Variants in IL1RAPL1 observed in about 807,000 individuals in gnomAD.
IL1RAPL1 encodes interleukin-1 receptor accessory protein-like 1.
IL1RAPL1 carries 3 observed loss-of-function variants against 48.4 expected under a neutral mutation model. The observed-to-expected ratio is 0.06, with a 90% CI of 0.03 to 0.16. The LOEUF is 0.16. Ranked by LOEUF, IL1RAPL1 falls within the 10% of genes least tolerant of loss-of-function variation. The probability of loss-of-function intolerance (pLI) is 1.00; values close to 1 mark genes in which losing one functional copy is unlikely to be tolerated. For missense variants in IL1RAPL1, 349 were observed against 530.6 expected (o/e 0.66, Z 3.36); for synonymous variants, 185 against 187.7 (o/e 0.99, Z 0.12).
intron 5 of IL1RAPL1, among the ~76,000 whole-genome samples, chrX:29,600,120 GT>G (rs913102190): frequency 5.4e-5 from 6 of 112,020 alleles, no homozygotes; most frequent in African/African-American, 1.9e-4. Flanking sequence ...TATCAGAATT[GT>G]TTTTCTGGTT....
At position 28,768,719 on chromosome X, in the gene IL1RAPL1, C is replaced by CTG. The variant is rs1239633537; in HGVS notation, c.-24-20600_-24-20599insGT. Among the ~76,000 whole-genome samples the CTG allele has an allele frequency of 3.1e-3, 198 of 64,070 alleles. 1 individual carries two copies. The East Asian group carries it at 0.069, about 22-fold the overall frequency. The allele number at this position is 64,070 out of a possible 115,157, so 55.6% of individuals were successfully genotyped here. On this transcript the variant is annotated intron_variant, in intron 1 of 10. Coordinates refer to ENST00000378993, the MANE Select transcript of IL1RAPL1 (RefSeq NM_014271.4). ...TCTCTCTGTTTCTCTCTCTCTCTCT[C>CTG]TCTCTCTCTGTCTCTCTCTCTCTCT...
At chrX:28,913,298 T>A (rs1923405603) in intron 2 of IL1RAPL1, among the ~76,000 whole-genome samples, 1 of 112,160 alleles carries the variant, frequency 8.9e-6, no homozygotes, top group Non-Finnish European at 1.9e-5. Context: ...CCTTGTAAAT[T>A]CTTGATCTGC....
intron 2 of IL1RAPL1, among the ~76,000 whole-genome samples, chrX:29,162,205 CTG>C (rs1265974432): frequency 9.1e-6 from 1 of 110,178 alleles, no homozygotes; most frequent in Non-Finnish European, 1.9e-5. Context: ...GGGGGCCTGT[CTG>C]GGGTTAGGAG....
At chrX:29,148,405 C>G (rs149213059) in intron 2 of IL1RAPL1, among the ~76,000 whole-genome samples, 314 of 111,695 alleles carry the variant, frequency 2.8e-3, no homozygotes, top group African/African-American at 9.9e-3. Context: ...CCCCTGTTGT[C>G]AAGATGGTAT....
chrX:29,406,551 G>A (rs1285340310), intron 5 of IL1RAPL1, among the ~76,000 whole-genome samples: 4 of 111,318 alleles, frequency 3.6e-5, no homozygotes, highest in African/African-American at 6.5e-5. Flanking sequence ...ACATAATTGC[G>A]GTTTTTGCCA....
chrX:28,623,737 C>T (rs1239375163), intron 1 of IL1RAPL1, among the ~76,000 whole-genome samples: 1 of 111,740 alleles, frequency 8.9e-6, no homozygotes, highest in Non-Finnish European at 1.9e-5. Flanking sequence ...AGAGCAATTG[C>T]AAAGTCCTGT....
rs750425404 is a variant in IL1RAPL1, at chrX:28,598,754, G to A, written c.-25+10707G>A. The stretch of plus-strand genomic sequence containing the variant: ...AGCAAATCTCCTCCCTCAGCCTCCC[G>A]AGTAGCTGGGATTACAGGTGTGCGC... On this transcript the variant is annotated intron_variant, in intron 1 of 10. Coordinates refer to ENST00000378993, the MANE Select transcript of IL1RAPL1 (RefSeq NM_014271.4). Among the ~76,000 whole-genome samples the A allele has an allele frequency of 6.6e-5, 7 of 106,533 alleles. No homozygotes were observed. The South Asian group carries it at 1.8e-3, about 27-fold the overall frequency. The allele number at this position is 106,533 out of a possible 115,157, so 92.5% of individuals were successfully genotyped here. A position where few individuals can be genotyped will look rare whatever the true frequency, so the allele number is the denominator to read the frequency against.
Position 29,396,461 on chromosome X carries a change from G to C in IL1RAPL1, c.549+17G>C. 1 of 1,193,044 alleles carries C rather than the reference G, an allele frequency of 8.4e-7. No individual in the cohort carries two copies. The highest frequency in any genetic ancestry group is 1.1e-6 in the Non-Finnish European group (1 of 878,279). On this transcript the variant is annotated intron_variant, in intron 4 of 10. Transcript: ENST00000378993. ...TGGTACAAGGTATGGACTGCGGGTGGTTCTATTTCCTATTAACAAATTAAT... is the reference window on the plus strand; with the variant it reads ...TGGTACAAGGTATGGACTGCGGGTGCTTCTATTTCCTATTAACAAATTAAT...
intron 6 of IL1RAPL1, among the ~76,000 whole-genome samples, chrX:29,814,806 A>G: frequency 8.9e-6 from 1 of 112,147 alleles, no homozygotes; most frequent in Middle Eastern, 4.6e-3. Flanking sequence ...ATGGATGGCC[A>G]GTTATTCCAA....
chrX:29,153,930 T>C (rs1280692321), intron 2 of IL1RAPL1, among the ~76,000 whole-genome samples: 1 of 112,273 alleles, frequency 8.9e-6, no homozygotes, highest in East Asian at 2.8e-4. Flanking sequence ...CAAGAAGGAA[T>C]TTATACCATA....
chrX:29,593,366 T>C (rs1331325658), intron 5 of IL1RAPL1, among the ~76,000 whole-genome samples: 2 of 112,115 alleles, frequency 1.8e-5, no homozygotes, highest in Admixed American at 9.5e-5. Context: ...AATCCACTTT[T>C]AGAAGGAAGC....
At chrX:29,564,145 C>G (rs1922325652) in intron 5 of IL1RAPL1, among the ~76,000 whole-genome samples, 1 of 111,695 alleles carries the variant, frequency 9.0e-6, no homozygotes, top group Non-Finnish European at 1.9e-5. Flanking sequence ...AGGAGAGAAT[C>G]TGTGTCCTGG....
At chrX:29,116,643 C>T (rs1434482355) in intron 2 of IL1RAPL1, among the ~76,000 whole-genome samples, 2 of 111,600 alleles carry the variant, frequency 1.8e-5, no homozygotes, top group Non-Finnish European at 3.8e-5. Flanking sequence ...GCACAGAGGT[C>T]TACATACAAC....
At chrX:29,704,846 T>C (rs920211918) in intron 6 of IL1RAPL1, among the ~76,000 whole-genome samples, 5 of 111,912 alleles carry the variant, frequency 4.5e-5, no homozygotes, top group Admixed American at 2.8e-4. Flanking sequence ...GATCCAACTT[T>C]TCATATAACT....
Position 29,920,303 on chromosome X carries a change from T to C in IL1RAPL1, c.1057+209T>C, listed in dbSNP as rs113276262. On this transcript the variant is annotated intron_variant, in intron 8 of 10. Transcript: ENST00000378993. Reference sequence around the variant, plus strand: ...TAAAATCAAATTTGAAATCCTTGCTTTTCTTTAATACCAACTGTGTAACTT... The same window carrying C: ...TAAAATCAAATTTGAAATCCTTGCTCTTCTTTAATACCAACTGTGTAACTT... Among the ~76,000 whole-genome samples the C allele has an allele frequency of 4.0e-3, 451 of 111,568 alleles. 2 individuals are homozygous for C. The highest frequency in any genetic ancestry group is 0.014 in the African/African-American group (440 of 30,679).
chrX:29,328,954 T>A (rs1244233830), intron 3 of IL1RAPL1, among the ~76,000 whole-genome samples: 1 of 111,713 alleles, frequency 9.0e-6, no homozygotes, highest in African/African-American at 3.3e-5. Flanking sequence ...ATATATGAGA[T>A]AGCTTCAAAT....
chrX:29,123,045 T>A (rs765199735), intron 2 of IL1RAPL1, among the ~76,000 whole-genome samples: 2 of 82,051 alleles, frequency 2.4e-5, no homozygotes, highest in Non-Finnish European at 4.5e-5. Flanking sequence ...TTATTTATTT[T>A]TTGAGATGGA....
intron 5 of IL1RAPL1, among the ~76,000 whole-genome samples, chrX:29,496,847 G>A (rs1189839951): frequency 8.9e-6 from 1 of 111,832 alleles, no homozygotes; most frequent in East Asian, 2.8e-4. Context: ...GGGACCTCCA[G>A]AAGCTTGCAA....
chrX:29,597,622 T>G (rs970578396), intron 5 of IL1RAPL1, among the ~76,000 whole-genome samples: 1 of 112,355 alleles, frequency 8.9e-6, no homozygotes, highest in African/African-American at 3.2e-5. Flanking sequence ...AGGATTGGTA[T>G]TCATTCTTCT....
Sources: allele counts gnomAD v4.1 joint callset (sites outside exome capture counted in the v4.1 genomes callset), GRCh38; gene constraint gnomAD v4.1.1; transcripts MANE v1.5; gene names NCBI Gene and HGNC (gene_info 2026-07-23, HGNC 2026-07-21).